Variants in KTN1 observed in about 807,000 individuals in gnomAD.
KTN1 encodes the protein kinectin.
KTN1 carries 130 observed loss-of-function variants against 222.5 expected under a neutral mutation model. The ratio of observed to expected loss-of-function variants is 0.58; its 90% CI spans 0.51 to 0.68. KTN1 has a LOEUF of 0.68. KTN1 is among the 30% of genes least tolerant of loss of function. The pLI is 0.00. For synonymous variants in KTN1, 512 were observed against 496.3 expected, an observed-to-expected ratio of 1.03 and a Z score of -0.42; for missense variants, 1,508 against 1,500.4, an observed-to-expected ratio of 1.01 and a Z score of -0.08.
chr14:55,682,411 T>C (rs1364553338), intron 43 of KTN1: 3 of 152,170 alleles, frequency 2.0e-5, no homozygotes, highest in African/African-American at 4.8e-5. Flanking sequence ...AGATATCTAC[T>C]CTTTATGTTT....
At chr14:55,588,678 T>C (rs2033521150) in intron 1 of KTN1, among the ~76,000 whole-genome samples, 1 of 152,200 alleles carries the variant, frequency 6.6e-6, no homozygotes, top group Non-Finnish European at 1.5e-5. Context: ...CTGCAGTTAA[T>C]TTTATGCAGT....
At chr14:55,666,066 A>T (rs1259599638) in intron 33 of KTN1, among the ~76,000 whole-genome samples, 1 of 151,942 alleles carries the variant, frequency 6.6e-6, no homozygotes, top group African/African-American at 2.4e-5. Context: ...TCCTTATTTT[A>T]TGCAGTTAGG....
At chr14:55,653,631 A>T in intron 28 of KTN1, 35 bp downstream of exon 28, 2 of 1,509,806 alleles carry the variant, frequency 1.3e-6, no homozygotes, top group Non-Finnish European at 1.8e-6. Flanking sequence ...TTGAAGAGAA[A>T]CAAACGTCTC....
intron 27 of KTN1, 147 bp from the exon 28 acceptor site, chr14:55,653,412 C>A: frequency 1.6e-6 from 1 of 620,498 alleles, no homozygotes. Flanking sequence ...CTCATTCTGT[C>A]CTTGCTTTAT....
chr14:55,595,327 C>T (rs2034843793), intron 1 of KTN1, among the ~76,000 whole-genome samples: 1 of 152,182 alleles, frequency 6.6e-6, no homozygotes. Flanking sequence ...TGGTAATTTT[C>T]AAGAGCCATT....
Position 55,679,780 on chromosome 14 carries a change from A to G in KTN1, c.4069+95A>G. 6 of 1,256,750 alleles carry G rather than the reference A, an allele frequency of 4.8e-6. No homozygotes were observed. The South Asian group carries it at 5.2e-5, about 11-fold the overall frequency. 77.8% of individuals were successfully genotyped at this position (1,256,750 alleles called of 1,614,324 possible). ...TAAATAAACTCACTTCACTAGAGGA[A>G]ATATTCCTTCTTTATCTCTCAGAAC... On this transcript the variant is annotated intron_variant, in intron 43 of 43. Transcript: ENST00000395314.
intron 35 of KTN1, 169 bp from the exon 36 acceptor site, chr14:55,671,396 AG>A (rs2045435557): frequency 3.5e-6 from 2 of 573,094 alleles, no homozygotes; most frequent in African/African-American, 3.8e-5. Context: ...AATGACCAAA[AG>A]GGTTATTGAA....
Position 55,657,397 on chromosome 14 carries a change from G to GTTTTTT in KTN1, c.2893-1140_2893-1135dup, listed in dbSNP as rs35297700. Among the ~76,000 whole-genome samples the GTTTTTT allele has an allele frequency of 1.6e-4, 22 of 137,680 alleles. 3 individuals carry two copies. Among genetic ancestry groups the GTTTTTT allele is most frequent in the Non-Finnish European group, 2.5e-4 (16 of 64,020 alleles). The allele number at this position is 137,680 out of a possible 152,430, so 90.3% of individuals were successfully genotyped here. ...CCCACACTTTTTCCACTGAGTTGAC[G>GTTTTTT]TTTTTTTTTTTTTTACTAATTTGTA... On this transcript the variant is annotated intron_variant, in intron 29 of 43. Transcript: ENST00000395314.
intron 33 of KTN1, among the ~76,000 whole-genome samples, chr14:55,666,048 A>T (rs1210197261): frequency 6.6e-6 from 1 of 151,962 alleles, no homozygotes; most frequent in Non-Finnish European, 1.5e-5. Context: ...AAATAGCATT[A>T]ATTATTTTCC....
chr14:55,632,038 G>A (rs934714721), intron 7 of KTN1, among the ~76,000 whole-genome samples: 1 of 152,000 alleles, frequency 6.6e-6, no homozygotes, highest in African/African-American at 2.4e-5. Context: ...GCCACTAATA[G>A]CAAAAAAGAA....
chr14:55,649,750 T>A, intron 21 of KTN1, 26 bp from the exon 22 acceptor site: 1 of 1,376,814 alleles, frequency 7.3e-7, no homozygotes, highest in Non-Finnish European at 1.0e-6. Context: ...AACAAATTAC[T>A]AAGTAGGATA....
chr14:55,675,053 C>T (rs550406125), intron 40 of KTN1: 1 of 152,298 alleles, frequency 6.6e-6, no homozygotes, highest in Non-Finnish European at 1.5e-5. Flanking sequence ...AATTCTCCCT[C>T]CAATTTTAAA....
intron 1 of KTN1, among the ~76,000 whole-genome samples, chr14:55,603,805 C>T (rs1162628535): frequency 6.6e-6 from 1 of 152,194 alleles, no homozygotes; most frequent in Non-Finnish European, 1.5e-5. Context: ...TTAACCATGT[C>T]CCTGCCACTT....
At position 55,634,980 on chromosome 14, in the gene KTN1, C is replaced by G. The variant is rs181027953; in HGVS notation, c.1461+322C>G. Among the ~76,000 whole-genome samples the G allele has an allele frequency of 1.6e-3, 246 of 152,256 alleles. 2 individuals are homozygous for G. The highest frequency in any genetic ancestry group is 3.0e-3 in the Non-Finnish European group (202 of 68,006). ...CATGGGGGAAACCATGCCTATGATT[C>G]AGTTACCTCCACGTGGTCTCTCCCT... On this transcript the variant is annotated intron_variant, in intron 9 of 43. Coordinates refer to ENST00000395314, the MANE Select transcript of KTN1 (RefSeq NM_001079521.2).
In KTN1 at chr14:55,673,227, C is replaced by A; in HGVS notation, c.3743C>A (p.Ala1248Glu). 6.2e-7 allele frequency: 1 copy of A among 1,612,330 alleles called. No homozygotes were observed. Among genetic ancestry groups the A allele is most frequent in the South Asian group, 1.1e-5 (1 of 90,976 alleles). Residue 1248 changes from alanine (A) to glutamate (E), a missense_variant, in exon 40 of 44, where the codon GCA (alanine) becomes GAA (glutamate). Transcript: ENST00000395314. ...AAACTTGATGATTCATATTCTGAAG[C>A]AGTAAGACAGAATGAAGAGCTAAAT... ...QKKLDDSYSE[A>E]VRQNEELNLL...
intron 40 of KTN1, 44 bp from the exon 41 acceptor site, chr14:55,675,791 A>G (rs779695549): frequency 1.5e-6 from 2 of 1,292,596 alleles, no homozygotes; most frequent in African/African-American, 2.9e-5. Flanking sequence ...TAATCAAAGA[A>G]TGATGCAAAT....
chr14:55,583,452 G>A (rs1210961021), intron 1 of KTN1, among the ~76,000 whole-genome samples: 1 of 152,108 alleles, frequency 6.6e-6, no homozygotes, highest in African/African-American at 2.4e-5. Flanking sequence ...TTTACGAATC[G>A]TCCTAGCTAC....
intron 1 of KTN1, among the ~76,000 whole-genome samples, chr14:55,580,870 C>T (rs28656140): frequency 0.018 from 2,733 of 152,322 alleles, 48 homozygotes; most frequent in African/African-American, 0.045. Context: ...CCAGTCCTCG[C>T]CGCTGCCTCC....
At chr14:55,671,699 C>A in intron 36 of KTN1, 44 bp downstream of exon 36, 1 of 1,545,424 alleles carries the variant, frequency 6.5e-7, no homozygotes, top group Non-Finnish European at 8.9e-7. Flanking sequence ...TACTTTAAAT[C>A]ATTACCTTCT....
Sources: gnomAD v4.1 joint callset for allele counts (sites outside exome capture counted in the v4.1 genomes callset) on GRCh38, gnomAD v4.1.1 for gene constraint, MANE v1.5 for transcripts, NCBI Gene and HGNC (gene_info 2026-07-23, HGNC 2026-07-21) for gene names.